Variants in ISL2 observed in about 807,000 individuals in gnomAD.
The protein encoded by ISL2 is insulin gene enhancer protein ISL-2.
ISL2 carries 17 observed loss-of-function variants against 34.6 expected under a neutral mutation model. The ratio of observed to expected loss-of-function variants is 0.49; its 90% confidence interval spans 0.34 to 0.74. The LOEUF is 0.74. Ranked by LOEUF, ISL2 falls within the 30% of genes least tolerant of loss-of-function variation. The probability of loss-of-function intolerance (pLI) is 0.01; values close to 1 mark genes in which losing one functional copy is unlikely to be tolerated. For synonymous variants in ISL2, 232 were observed against 225.5 expected, an observed-to-expected ratio of 1.03 and a Z score of -0.26; for missense variants, 469 against 515.2, an observed-to-expected ratio of 0.91 and a Z score of 0.87.
intron 4 of ISL2, 44 bp downstream of exon 4, chr15:76,340,603 C>T (rs751740120): frequency 1.3e-6 from 2 of 1,560,804 alleles, no homozygotes; most frequent in Non-Finnish European, 8.7e-7. Context: ...GTGGGGGCTG[C>T]GCTTCCGCCG....
At chr15:76,340,204 A>AC in intron 3 of ISL2, 72 bp from the exon 4 acceptor site, 2 of 1,367,200 alleles carry the variant, frequency 1.5e-6, no homozygotes, top group South Asian at 2.9e-5. Context: ...GGGCTGGGCC[A>AC]CCCGGAGGTT....
intron 3 of ISL2, 152 bp from the exon 4 acceptor site, chr15:76,340,116 AAGGCGAAC>A (rs1449375694): frequency 7.0e-7 from 1 of 1,422,382 alleles, no homozygotes; most frequent in East Asian, 2.6e-5. Context: ...CTCTCCGAGT[AAGGCGAAC>A]AGATGGAGAG....
intron 4 of ISL2, among the ~76,000 whole-genome samples, chr15:76,340,764 A>T (rs1165868396): frequency 6.6e-6 from 1 of 152,242 alleles, no homozygotes. Context: ...TCCTTGTCCC[A>T]GTGGCAGCCC....
Position 76,340,466 on chromosome 15 carries a change from C to T in ISL2, c.702C>T (p.Val234=). ...AGATGACCGGCCTGAGCCCGCGGGT[C>T]ATCCGCGTCTGGTTCCAGAACAAGC... ...LVEMTGLSPR[V]IRVWFQNKRC... The change falls in exon 4 of 6, where the codon GTC becomes GTT. Residue 234 remains valine, a synonymous_variant. Coordinates refer to ENST00000290759, the MANE Select transcript of ISL2 (RefSeq NM_145805.3). The T allele has an allele frequency of 6.2e-7, 1 of 1,613,856 alleles. No homozygotes were observed. Among genetic ancestry groups the T allele is most frequent in the Non-Finnish European group, 8.5e-7 (1 of 1,180,006 alleles).
In ISL2 at chr15:76,340,550, C is replaced by T; in HGVS notation, c.786C>T (p.Ser262=). The T allele has an allele frequency of 5.0e-6, 8 of 1,606,082 alleles. No individual in the cohort carries two copies. Among genetic ancestry groups the T allele is most frequent in the Non-Finnish European group, 5.1e-6 (6 of 1,174,482 alleles). Residue 262 remains serine, a synonymous_variant, in exon 4 of 6, where the codon AGC becomes AGT. Coordinates refer to ENST00000290759, the MANE Select transcript of ISL2 (RefSeq NM_145805.3). The part of the protein sequence containing the change: ...LMKQLQQQQH[S]DKTSLQGLTG... ...AGCAGCTGCAGCAGCAGCAGCACAG[C>T]GACAAGACGGTGAGCAGCCGCTGGG...
chr15:76,339,484 C>T, intron 3 of ISL2: 2 of 985,650 alleles, frequency 2.0e-6, no homozygotes, highest in Non-Finnish European at 2.4e-6. Context: ...CATCTGGGAT[C>T]TCGGAGAGGC....
chr15:76,339,717 C>G (rs2040179461), intron 3 of ISL2: 2 of 985,830 alleles, frequency 2.0e-6, no homozygotes, highest in South Asian at 4.7e-5. Context: ...CCTGGAGGCC[C>G]GTCCATAACC....
Position 76,341,444 on chromosome 15 carries a change from C to T in ISL2, c.963+143C>T, listed in dbSNP as rs2040193366. The T allele has an allele frequency of 1.7e-5, 14 of 828,976 alleles. 1 individual carries two copies. The Admixed American group carries it at 3.5e-4, about 20-fold the overall frequency. 51.4% of individuals were successfully genotyped at this position (828,976 alleles called of 1,614,324 possible). ...GGCGGTGGGGGAGGGGGAACAGTGG[C>T]GGGCTCTGAAACCTCACCTCGGCCC... On this transcript the variant is annotated intron_variant, in intron 5 of 5. Coordinates refer to ENST00000290759, the MANE Select transcript of ISL2 (RefSeq NM_145805.3).
chr15:76,341,134 A>G lies in ISL2; in HGVS notation c.796A>G (p.Ser266Gly), dbSNP rs1566965609. ...CTACTGCCTTCTGCTTGCCCCGCAG[A>G]GCCTTCAGGGACTGACTGGGACGCC... ...LQQQQHSDKT[S>G]LQGLTGTPLV... Residue 266 changes from serine to glycine, a missense_variant and splice_region_variant, in exon 5 of 6, where the codon AGC becomes GGC. By Grantham distance (56) the Ser-to-Gly change is moderately conservative. This residue lies in a region of ISL2 where 169 missense variants were observed against 154.2 expected (regional missense o/e 1.10). Coordinates refer to ENST00000290759, the MANE Select transcript of ISL2 (RefSeq NM_145805.3). 2 of 1,578,328 alleles carry G rather than the reference A, an allele frequency of 1.3e-6. No individual in the cohort carries two copies. Among genetic ancestry groups the G allele is most frequent in the African/African-American group, 2.7e-5 (2 of 74,074 alleles).
Position 76,336,879 on chromosome 15 carries a change from T to TC in ISL2, c.-4dup, listed in dbSNP as rs1386986144. On this transcript the variant is annotated 5_prime_UTR_variant, in exon 1 of 6. Transcript: ENST00000290759. The stretch of plus-strand genomic sequence containing the variant: ...CGCACACTTTGCGCACATCTCTTTT[T>TC]CTGCATGGTGGATATTATTTTTCAT... 1.2e-6 allele frequency: 2 copies of TC among 1,613,106 alleles called. No homozygotes were observed.
intron 4 of ISL2, 122 bp from the exon 5 acceptor site, chr15:76,341,012 G>A: frequency 1.0e-6 from 1 of 971,216 alleles, no homozygotes; most frequent in Non-Finnish European, 1.5e-6. Context: ...GCGATCGAGT[G>A]TGCGCCTCCC....
chr15:76,339,244 C>T, intron 3 of ISL2: 1 of 985,374 alleles, frequency 1.0e-6, no homozygotes, highest in Non-Finnish European at 1.2e-6. Context: ...CCAGGCTGGG[C>T]CTCTGGGTGC....
chr15:76,341,694 C>T (rs765394177), intron 5 of ISL2, 25 bp from the exon 6 acceptor site: 2 of 1,546,472 alleles, frequency 1.3e-6, no homozygotes, highest in East Asian at 2.2e-5. Flanking sequence ...TCACCTGCCT[C>T]TTCCCGGTGT....
At chr15:76,338,903 G>A in intron 3 of ISL2, 3 of 985,418 alleles carry the variant, frequency 3.0e-6, no homozygotes, top group Non-Finnish European at 2.4e-6. Flanking sequence ...GGTTTGCCCA[G>A]GGGTATGTGT....
At chr15:76,339,725 AC>A (rs2040179567) in intron 3 of ISL2, 18 of 986,384 alleles carry the variant, frequency 1.8e-5, no homozygotes, top group Non-Finnish European at 2.0e-5. Context: ...CCCGTCCATA[AC>A]CGTGGATGAG....
chr15:76,341,631 G>T, intron 5 of ISL2, 88 bp from the exon 6 acceptor site: 1 of 1,034,936 alleles, frequency 9.7e-7, no homozygotes, highest in Non-Finnish European at 1.5e-6. Flanking sequence ...GTCCCCAAGG[G>T]ACACTTTCCG....
In ISL2 at chr15:76,340,343, C is replaced by A; in HGVS notation, c.579C>A (p.Arg193=). The A allele has an allele frequency of 6.2e-7, 1 of 1,612,750 alleles. No individual in the cohort carries two copies. Residue 193 remains arginine, a synonymous_variant, in exon 4 of 6, where the codon CGC becomes CGA. Coordinates refer to ENST00000290759, the MANE Select transcript of ISL2 (RefSeq NM_145805.3). ...ACAAGCAGACGGAGAAGACGACCCG[C>A]GTGCGGACTGTGCTGAACGAGAAGC... ...HVHKQTEKTT[R]VRTVLNEKQL...
Position 76,338,434 on chromosome 15 carries a change from GCCT to G in ISL2, c.435_437del (p.Leu147del). ...GAGCTGCTCTGCCGCGCCGACCACG[GCCT>G]CCTGCTCGAGCGCGCCGCGGCCGGC... On this transcript the variant is annotated inframe_deletion, in exon 3 of 6. Coordinates refer to ENST00000290759, the MANE Select transcript of ISL2 (RefSeq NM_145805.3). The G allele has an allele frequency of 6.8e-7, 1 of 1,476,458 alleles. No homozygotes were observed. The highest frequency in any genetic ancestry group is 8.9e-7 in the Non-Finnish European group (1 of 1,119,618). The allele number at this position is 1,476,458 out of a possible 1,614,324, so 91.5% of individuals were successfully genotyped here.
chr15:76,341,343 G>A (rs370747919), intron 5 of ISL2, 42 bp downstream of exon 5: 14 of 1,544,278 alleles, frequency 9.1e-6, no homozygotes, highest in South Asian at 2.5e-5. Context: ...GGACTCTGCG[G>A]GTTGGGGATT....
Sources: gnomAD v4.1 joint callset for allele counts (sites outside exome capture counted in the v4.1 genomes callset) on GRCh38, gnomAD v4.1.1 for gene constraint, gnomAD v4.1.1 regional missense constraint, MANE v1.5 for transcripts, NCBI Gene and HGNC (gene_info 2026-07-23, HGNC 2026-07-21) for gene names.